The following AGBL5 variants were observed in gnomAD, a reference collection of about 807,000 sequenced individuals.
The protein encoded by AGBL5 is cytosolic carboxypeptidase-like protein 5.
In AGBL5, 51 loss-of-function variants were observed where a neutral mutation model predicts 88.0. The observed-to-expected ratio is 0.58, with a 90% CI of 0.46 to 0.73. AGBL5 has a LOEUF of 0.73. Among genes scored for constraint, AGBL5 ranks in the 30% least tolerant of loss-of-function variants. The pLI is 0.00. For missense variants in AGBL5, 1,031 were observed against 1,162.2 expected (o/e 0.89, Z 1.64); for synonymous variants, 446 against 438.8 (o/e 1.02, Z -0.21).
chr2:27,050,497 G>T (rs1293016140), upstream of AGBL5, among the ~76,000 whole-genome samples: 1 of 152,240 alleles, frequency 6.6e-6, no homozygotes, highest in African/African-American at 2.4e-5. Context: ...AGGCGGCGGC[G>T]GGCTCGGCGT....
Position 27,053,267 on chromosome 2 carries a change from T to A in AGBL5, c.215+94T>A. 1 of 1,519,762 alleles carries A rather than the reference T, an allele frequency of 6.6e-7. No individual in the cohort carries two copies. The highest frequency in any genetic ancestry group is 1.3e-5 in the South Asian group (1 of 78,104). The allele number at this position is 1,519,762 out of a possible 1,614,324, so 94.1% of individuals were successfully genotyped here. A position where few individuals can be genotyped will look rare whatever the true frequency, so the allele number is the denominator to read the frequency against. ...CTGTTCATACCCAGCATACTCCCTG[T>A]CCATTTCTGACCCATCGTCCCTCCT... On this transcript the variant is annotated intron_variant, in intron 2 of 14. Transcript: ENST00000360131. The surrounding 1 kb of genome is among the most constrained non-coding windows in gnomAD (Gnocchi z 4.9).
At chr2:27,057,243 C>T (rs1668480250) in intron 8 of AGBL5, 60 bp from the exon 9 acceptor site, 1 of 1,539,318 alleles carries the variant, frequency 6.5e-7, no homozygotes, top group African/African-American at 1.4e-5. Context: ...AAGTTGTCCT[C>T]TATGGTTCTG....
Position 27,068,748 on chromosome 2 carries a change from A to G in AGBL5, c.2355+4A>G, listed in dbSNP as rs773323972. ...CTGCATCAAGACTCGATTGCAGGTA[A>G]TATTTTTGGGTCTCCAGCATAGCTA... On this transcript the variant is annotated splice_donor_region_variant and intron_variant, in intron 13 of 14. Coordinates refer to ENST00000360131, the MANE Select transcript of AGBL5 (RefSeq NM_021831.6). The G allele has an allele frequency of 1.9e-5, 31 of 1,613,872 alleles. No homozygotes were observed. The highest frequency in any genetic ancestry group is 6.7e-5 in the African/African-American group (5 of 74,906).
In AGBL5 at chr2:27,069,831, A is replaced by G. The variant is rs1669189991; in HGVS notation, c.2489+125A>G. On this transcript the variant is annotated intron_variant, in intron 14 of 14. Coordinates refer to ENST00000360131, the MANE Select transcript of AGBL5 (RefSeq NM_021831.6). ...GAGCACAAAGACTAAATGTACTTCC[A>G]TTAAGAATCTAGTCCCTGATTTTTT... is the stretch of plus-strand genomic sequence containing the variant. 6 of 1,470,734 alleles carry G rather than the reference A, an allele frequency of 4.1e-6. No individual in the cohort carries two copies. The South Asian group carries it at 7.1e-5, about 17-fold the overall frequency. The allele number at this position is 1,470,734 out of a possible 1,614,324, so 91.1% of individuals were successfully genotyped here.
Position 27,054,060 on chromosome 2 carries a change from G to C in AGBL5, c.551+1G>C, listed in dbSNP as rs984315169. 5.6e-6 allele frequency: 9 copies of C among 1,608,996 alleles called. No individual in the cohort carries two copies. The highest frequency in any genetic ancestry group is 7.6e-6 in the Non-Finnish European group (9 of 1,176,852). On this transcript the variant is annotated splice_donor_variant, in intron 4 of 14. Transcript: ENST00000360131. LOFTEE classifies it high-confidence loss of function. ...CGGAGAACCACCCTACCCATAGCAG[G>C]TGCCAGCCCCATTCTTACTCCTGCC...
intron 14 of AGBL5, 68 bp downstream of exon 14, chr2:27,069,774 TCAGA>T: frequency 6.5e-7 from 1 of 1,548,920 alleles, no homozygotes; most frequent in East Asian, 2.3e-5. Flanking sequence ...TTTCTGTCAT[TCAGA>T]ATAATTTTCT....
chr2:27,053,168 G>A lies in AGBL5; in HGVS notation c.210G>A (p.Gly70=). The change falls in exon 2 of 15, where the codon GGG becomes GGA. Residue 70 remains glycine (G), a synonymous_variant. Transcript: ENST00000360131. The surrounding 1 kb of genome is among the most constrained non-coding windows in gnomAD (Gnocchi z 4.9). ...GTGCTGAAACGGAATTTGAGAATGGGAACAGGTATATGGAACGAAATGGAG... is the reference window on the plus strand; with the variant it reads ...GTGCTGAAACGGAATTTGAGAATGGAAACAGGTATATGGAACGAAATGGAG... The part of the protein sequence containing the change: ...PDCAETEFEN[G]NRSWFYFSVR... 2 of 1,594,914 alleles carry A rather than the reference G, an allele frequency of 1.3e-6. No homozygotes were observed. The highest frequency in any genetic ancestry group is 1.7e-6 in the Non-Finnish European group (2 of 1,168,706).
rs549000913 is a variant in AGBL5, at chr2:27,069,408, TCTGG to T, written c.2356-162_2356-159del. On this transcript the variant is annotated intron_variant, in intron 13 of 14. Coordinates refer to ENST00000360131, the MANE Select transcript of AGBL5 (RefSeq NM_021831.6). ...AGTCATGGACTGAATCCAGGACTTCTCTGGCTATTATCTTGCCTCACCCTCTCAG... is the reference window on the plus strand; with the variant it reads ...AGTCATGGACTGAATCCAGGACTTCTCTATTATCTTGCCTCACCCTCTCAG... 4.1e-4 allele frequency: 407 copies of T among 985,450 alleles called. 2 individuals are homozygous for T. The African/African-American group carries it at 6.6e-3, about 16-fold the overall frequency. The allele number at this position is 985,450 out of a possible 1,614,324, so 61.0% of individuals were successfully genotyped here. A position where few individuals can be genotyped will look rare whatever the true frequency, so the allele number is the denominator to read the frequency against.
chr2:27,061,798 G>A (rs928667043), intron 11 of AGBL5: 53 of 151,904 alleles, frequency 3.5e-4, no homozygotes, highest in African/African-American at 1.2e-3. Flanking sequence ...GTTGTCACTG[G>A]AATATTCTAG....
At position 27,053,819 on chromosome 2, in the gene AGBL5, A is replaced by G; in HGVS notation, c.388-77A>G. 2 of 1,524,402 alleles carry G rather than the reference A, an allele frequency of 1.3e-6. No individual in the cohort carries two copies. The highest frequency in any genetic ancestry group is 1.8e-6 in the Non-Finnish European group (2 of 1,130,650). 94.4% of individuals were successfully genotyped at this position (1,524,402 alleles called of 1,614,324 possible). ...GTAAAGGTGATAAGGGTGTGAGGTC[A>G]GTTCCTGGTGGTCCCAGTAGGAGCT... On this transcript the variant is annotated intron_variant, in intron 3 of 14. Transcript: ENST00000360131. This position sits in a 1 kb window ranked among gnomAD's most constrained non-coding sequence, Gnocchi z 4.9.
At chr2:27,067,697 C>T (rs1669063377) in intron 12 of AGBL5, 51 bp downstream of exon 12, 1 of 1,603,978 alleles carries the variant, frequency 6.2e-7, no homozygotes, top group Non-Finnish European at 8.5e-7. Context: ...CCTCCATGGC[C>T]AGGCCAGGTT....
rs199619795 is a variant in AGBL5, at chr2:27,053,601, G to C, written c.387+28G>C. On this transcript the variant is annotated intron_variant, in intron 3 of 14. Transcript: ENST00000360131. This position sits in a 1 kb window ranked among gnomAD's most constrained non-coding sequence, Gnocchi z 4.9. ...AAGTTCTCCATGAGGAGGAAAGAAA[G>C]ACTTGGGTGCTAAAAGTAGAGAGGA... 8.6e-5 allele frequency: 136 copies of C among 1,589,524 alleles called. No homozygotes were observed. In the East Asian group the frequency reaches 3.0e-3, roughly 35 times the overall value.
At position 27,053,111 on chromosome 2, in the gene AGBL5, C is replaced by T. The variant is rs976838997; in HGVS notation, c.153C>T (p.Asp51=). 1.9e-6 allele frequency: 3 copies of T among 1,612,736 alleles called. No individual in the cohort carries two copies. The highest frequency in any genetic ancestry group is 2.5e-6 in the Non-Finnish European group (3 of 1,179,248). Residue 51 remains aspartate, a synonymous_variant, in exon 2 of 15, where the codon GAC becomes GAT. Transcript: ENST00000360131. The surrounding 1 kb of genome is among the most constrained non-coding windows in gnomAD (Gnocchi z 4.9). ...CCAGTGGCATTGCCTCTTCCCCTGA[C>T]TATGAATTCAACGTGTGGACCCGAC... ...ALTSGIASSP[D]YEFNVWTRPD...
At chr2:27,057,213 A>C (rs1668478716) in intron 8 of AGBL5, 90 bp from the exon 9 acceptor site, 1 of 1,411,114 alleles carries the variant, frequency 7.1e-7, no homozygotes, top group African/African-American at 1.4e-5. Context: ...TTTCCAAGTG[A>C]TTGCCTCCTT....
At chr2:27,054,177 G>T in intron 4 of AGBL5, 118 bp downstream of exon 4, 2 of 1,273,012 alleles carry the variant, frequency 1.6e-6, no homozygotes, top group Non-Finnish European at 1.1e-6. Flanking sequence ...TTTCTGTACA[G>T]AATGTACAGA....
chr2:27,052,929 G>A lies in AGBL5; in HGVS notation c.-30G>A, dbSNP rs374040291. ...TTCCCCCAGCTCTCAGGGCCAGAGC[G>A]GGGCAGGAGGATGCTTTCCCAGCCC... On this transcript the variant is annotated 5_prime_UTR_variant, in exon 2 of 15. Coordinates refer to ENST00000360131, the MANE Select transcript of AGBL5 (RefSeq NM_021831.6). The A allele has an allele frequency of 2.9e-5, 44 of 1,543,512 alleles. No individual in the cohort carries two copies. The highest frequency in any genetic ancestry group is 1.2e-4 in the African/African-American group (9 of 73,234).
intron 4 of AGBL5, 24 bp downstream of exon 4, chr2:27,054,083 G>A (rs1222128250): frequency 6.2e-7 from 1 of 1,600,242 alleles, no homozygotes; most frequent in East Asian, 2.2e-5. Context: ...TCTTACTCCT[G>A]CCACACAGTC....
intron 11 of AGBL5, among the ~76,000 whole-genome samples, chr2:27,066,000 C>G (rs1468662185): frequency 6.6e-6 from 1 of 152,210 alleles, no homozygotes; most frequent in East Asian, 1.9e-4. Context: ...TGGCTCACAC[C>G]TGTAATCCCA....
At chr2:27,067,264 A>C (rs1669034827) in intron 11 of AGBL5, among the ~76,000 whole-genome samples, 1 of 151,640 alleles carries the variant, frequency 6.6e-6, no homozygotes. Flanking sequence ...AAAAAAAAAA[A>C]AAAAAAAAAA....
Sources: allele counts gnomAD v4.1 joint callset (sites outside exome capture counted in the v4.1 genomes callset), GRCh38; gene constraint gnomAD v4.1.1; non-coding constraint Gnocchi (gnomAD v3.1); transcripts MANE v1.5; gene names NCBI Gene and HGNC (gene_info 2026-07-23, HGNC 2026-07-21).